The following FRAS1 variants were observed in gnomAD, a reference collection of about 807,000 sequenced individuals.
FRAS1 encodes extracellular matrix organizing protein FRAS1.
A neutral mutation model predicts 435.2 loss-of-function variants in FRAS1; 290 were observed. The observed-to-expected ratio is 0.67, with a 90% CI of 0.61 to 0.73. FRAS1 has a LOEUF of 0.73. FRAS1 is among the 30% of genes least tolerant of loss of function. FRAS1 has a pLI of 0.00. For synonymous variants in FRAS1, 1,800 were observed against 1,851.0 expected (o/e 0.97, Z 0.71); for missense variants, 4,860 against 5,001.5 (o/e 0.97, Z 0.85).
intron 14 of FRAS1, among the ~76,000 whole-genome samples, chr4:78,301,857 T>G (rs1022972466): frequency 6.7e-6 from 1 of 150,106 alleles, no homozygotes; most frequent in East Asian, 1.9e-4. Flanking sequence ...TTTTTTTTTT[T>G]TTTTTTTTTT....
chr4:78,367,493 T>C (rs1390069609), intron 22 of FRAS1, among the ~76,000 whole-genome samples: 2 of 151,558 alleles, frequency 1.3e-5, no homozygotes, highest in African/African-American at 2.4e-5. Context: ...GGGCAAGAAA[T>C]TGGCCTTGAC....
intron 30 of FRAS1, among the ~76,000 whole-genome samples, chr4:78,405,759 C>T (rs1021601339): frequency 5.9e-5 from 9 of 152,240 alleles, no homozygotes; most frequent in African/African-American, 2.2e-4. Flanking sequence ...CTCTTCCTCA[C>T]CCTCTCCCTC....
intron 59 of FRAS1, among the ~76,000 whole-genome samples, chr4:78,493,177 G>C (rs924460536): frequency 6.6e-6 from 1 of 152,196 alleles, no homozygotes; most frequent in Admixed American, 6.5e-5. Flanking sequence ...AGGATGTGGA[G>C]AAATAGGAAC....
intron 9 of FRAS1, among the ~76,000 whole-genome samples, chr4:78,270,225 A>G (rs1472874449): frequency 2.0e-5 from 3 of 152,210 alleles, no homozygotes; most frequent in African/African-American, 7.2e-5. Context: ...CCAAAACTGA[A>G]TCCTTGTGCC....
chr4:78,462,243 C>T (rs1299809335), intron 47 of FRAS1, among the ~76,000 whole-genome samples: 2 of 152,126 alleles, frequency 1.3e-5, no homozygotes, highest in East Asian at 1.9e-4. Context: ...GGGATGGTGG[C>T]GTGTGCCTGT....
At chr4:78,523,465 C>T (rs1721449115) in intron 69 of FRAS1, among the ~76,000 whole-genome samples, 1 of 152,050 alleles carries the variant, frequency 6.6e-6, no homozygotes, top group South Asian at 2.1e-4. Context: ...AGTAAAATAT[C>T]CCCCATCTGT....
In FRAS1 at chr4:78,306,224, A is replaced by G. The variant is rs1180738923; in HGVS notation, c.1535-1842A>G. ...CTTCTGGCTTGTAGAGTTTCGGCCAAGAGATCCGCTGTTAGTCTGATGGGC... is the reference window on the plus strand; with the variant it reads ...CTTCTGGCTTGTAGAGTTTCGGCCAGGAGATCCGCTGTTAGTCTGATGGGC... On this transcript the variant is annotated intron_variant, in intron 14 of 73. Coordinates refer to ENST00000512123, the MANE Select transcript of FRAS1 (RefSeq NM_025074.7). 2.6e-5 allele frequency among the ~76,000 whole-genome samples: 4 copies of G among 152,034 alleles called. No homozygotes were observed. The East Asian group carries it at 5.8e-4, about 22-fold the overall frequency.
chr4:78,510,164 C>T (rs1030718998), intron 63 of FRAS1, among the ~76,000 whole-genome samples: 2 of 152,180 alleles, frequency 1.3e-5, no homozygotes, highest in African/African-American at 4.8e-5. Context: ...TCTTAAGTAT[C>T]TATTTCTGTC....
At chr4:78,458,490 A>G (rs1719271596) in intron 47 of FRAS1, among the ~76,000 whole-genome samples, 1 of 152,210 alleles carries the variant, frequency 6.6e-6, no homozygotes, top group African/African-American at 2.4e-5. Context: ...ATGCTCACTT[A>G]TAAGTGAGAA....
intron 65 of FRAS1, among the ~76,000 whole-genome samples, chr4:78,514,991 C>G (rs1371502193): frequency 2.0e-5 from 3 of 150,914 alleles, no homozygotes; most frequent in Non-Finnish European, 4.4e-5. Context: ...TCGCTTGAAC[C>G]CAGGAGGCGG....
intron 56 of FRAS1, 124 bp from the exon 57 acceptor site, chr4:78,481,680 G>C: frequency 9.7e-7 from 1 of 1,028,780 alleles, no homozygotes; most frequent in Admixed American, 1.8e-5. Context: ...ACTGAAGCTA[G>C]ATTAGAAAAG....
At chr4:78,272,713 A>G (rs560348960) in intron 9 of FRAS1, among the ~76,000 whole-genome samples, 3 of 152,338 alleles carry the variant, frequency 2.0e-5, no homozygotes, top group South Asian at 2.1e-4. Flanking sequence ...TGGTTACTAT[A>G]GCCTTGTAGT....
At position 78,445,835 on chromosome 4, in the gene FRAS1, C is replaced by T. The variant is rs112432771; in HGVS notation, c.5856+123C>T. ...GGATTTGACCTTCAAAATTGAAGGT[C>T]GTTCTTAAAATATAGCCTTCAGGAA... On this transcript the variant is annotated intron_variant, in intron 42 of 73. Transcript: ENST00000512123. 46 of 1,408,046 alleles carry T rather than the reference C, an allele frequency of 3.3e-5. No homozygotes were observed. In the African/African-American group the frequency reaches 3.3e-4, roughly 10 times the overall value. 87.2% of individuals were successfully genotyped at this position (1,408,046 alleles called of 1,614,324 possible).
chr4:78,165,825 G>A (rs1215804792), intron 2 of FRAS1, among the ~76,000 whole-genome samples: 1 of 152,142 alleles, frequency 6.6e-6, no homozygotes, highest in African/African-American at 2.4e-5. Context: ...GCTAGAGTGG[G>A]CTTATTCTCA....
At chr4:78,365,153 A>G (rs1398894933) in intron 22 of FRAS1, among the ~76,000 whole-genome samples, 1 of 152,238 alleles carries the variant, frequency 6.6e-6, no homozygotes, top group Non-Finnish European at 1.5e-5. Flanking sequence ...TTTCTATTTT[A>G]TAGATAGGAA....
At chr4:78,422,147 A>C in intron 34 of FRAS1, 147 bp downstream of exon 34, 1 of 745,690 alleles carries the variant, frequency 1.3e-6, no homozygotes, top group South Asian at 3.4e-5. Context: ...CTGTCAGCCA[A>C]TATGTAACTT....
At chr4:78,087,351 T>C (rs1331209557) in intron 2 of FRAS1, among the ~76,000 whole-genome samples, 1 of 152,020 alleles carries the variant, frequency 6.6e-6, no homozygotes. Context: ...AGCATTCCCT[T>C]TGAAAACTGG....
rs183890537 is a variant in FRAS1 at position 78,275,274 on chromosome 4, C to T, written c.982-3381C>T. ...TGGTCTTGACTCTTTATCCAGTTTG[C>T]CAGTCTGTGTTTTTTAATTGGAGCA... On this transcript the variant is annotated intron_variant, in intron 9 of 73. Coordinates refer to ENST00000512123, the MANE Select transcript of FRAS1 (RefSeq NM_025074.7). Among the ~76,000 whole-genome samples, 320 of 152,184 alleles carry T rather than the reference C, an allele frequency of 2.1e-3. 1 individual carries two copies. Among genetic ancestry groups the T allele is most frequent in the Non-Finnish European group, 3.7e-3 (253 of 68,008 alleles).
At chr4:78,442,339 A>T (rs987232027) in intron 41 of FRAS1, among the ~76,000 whole-genome samples, 22 of 152,392 alleles carry the variant, frequency 1.4e-4, no homozygotes, top group Admixed American at 5.9e-4. Context: ...AAATTACAAT[A>T]AATGCAAAAT....
Sources: gnomAD v4.1 joint callset for allele counts (sites outside exome capture counted in the v4.1 genomes callset) on GRCh38, gnomAD v4.1.1 for gene constraint, MANE v1.5 for transcripts, NCBI Gene and HGNC (gene_info 2026-07-23, HGNC 2026-07-21) for gene names.